Variants in CFAP161 observed in about 807,000 individuals in gnomAD.
The protein encoded by CFAP161 is cilia and flagella associated protein 161.
Under a neutral mutation model 29.0 loss-of-function variants are expected in CFAP161, and 25 were observed. That is an observed-to-expected ratio of 0.86 (90% CI 0.63 to 1.20). The LOEUF (loss-of-function observed/expected upper bound fraction) is 1.20. CFAP161 is among the 50% of genes most tolerant of loss of function. CFAP161 has a pLI of 0.00. For missense variants in CFAP161, 367 were observed against 371.9 expected, an observed-to-expected ratio of 0.99 and a Z score of 0.11; for synonymous variants, 116 against 137.4, an observed-to-expected ratio of 0.84 and a Z score of 1.09.
chr15:81,108,099 C>A (rs1456738122), intron 1 of CFAP161, among the ~76,000 whole-genome samples: 1 of 152,168 alleles, frequency 6.6e-6, no homozygotes, highest in Non-Finnish European at 1.5e-5. Context: ...TGCCTTGATA[C>A]CCTTCTGTGC....
intron 1 of CFAP161, among the ~76,000 whole-genome samples, chr15:81,102,167 T>C (rs190485334): frequency 9.3e-4 from 141 of 152,334 alleles, no homozygotes; most frequent in Admixed American, 2.2e-3. Context: ...ATAGCAATTG[T>C]GCTCAGAATA....
At chr15:81,120,294 A>G (rs1894555685) in intron 1 of CFAP161, among the ~76,000 whole-genome samples, 1 of 152,208 alleles carries the variant, frequency 6.6e-6, no homozygotes, top group African/African-American at 2.4e-5. Context: ...TGACCAGGAG[A>G]ATGCATGGCT....
intron 1 of CFAP161, among the ~76,000 whole-genome samples, chr15:81,100,273 TAAATTA>T (rs1894287987): frequency 6.7e-6 from 1 of 150,340 alleles, no homozygotes; most frequent in Non-Finnish European, 1.5e-5. Context: ...GTTCTAAGTT[TAAATTA>T]TTTCAGTGCT....
intron 1 of CFAP161, among the ~76,000 whole-genome samples, chr15:81,121,651 G>A (rs1894574945): frequency 6.6e-6 from 1 of 152,110 alleles, no homozygotes; most frequent in Admixed American, 6.5e-5. Context: ...TTACATATCA[G>A]TATTTTAGAG....
intron 2 of CFAP161, among the ~76,000 whole-genome samples, chr15:81,136,302 G>T (rs1382803360): frequency 6.6e-6 from 1 of 152,170 alleles, no homozygotes; most frequent in Admixed American, 6.5e-5. Flanking sequence ...AAATCCATGT[G>T]ATTTTAACCA....
intron 1 of CFAP161, among the ~76,000 whole-genome samples, chr15:81,126,911 C>A (rs754858402): frequency 2.0e-5 from 3 of 152,020 alleles, no homozygotes; most frequent in African/African-American, 4.8e-5. Context: ...TCAGCAAATT[C>A]AAAGTAGGTA....
chr15:81,110,825 G>A (rs566291284), intron 1 of CFAP161, among the ~76,000 whole-genome samples: 1 of 152,190 alleles, frequency 6.6e-6, no homozygotes, highest in Non-Finnish European at 1.5e-5. Context: ...TCCTGGGGAC[G>A]AATGCTGGGC....
chr15:81,114,749 C>T (rs879789185), intron 1 of CFAP161, among the ~76,000 whole-genome samples: 46 of 152,038 alleles, frequency 3.0e-4, no homozygotes, highest in Non-Finnish European at 5.6e-4. Context: ...CTGCAAGCTC[C>T]GCCTCCCGGG....
upstream of CFAP161, among the ~76,000 whole-genome samples, chr15:81,130,438 C>T (rs771997636): frequency 5.9e-5 from 9 of 152,198 alleles, no homozygotes; most frequent in Admixed American, 1.3e-4. Flanking sequence ...ACTTGGCTCA[C>T]GCCTGTAATC....
chr15:81,119,908 A>G (rs1269788474), intron 1 of CFAP161, among the ~76,000 whole-genome samples: 3 of 97,694 alleles, frequency 3.1e-5, no homozygotes, highest in Admixed American at 1.9e-4. Flanking sequence ...AATTAAAAAA[A>G]TAAAAATTTA....
chr15:81,128,992 T>G (rs537776845), intron 2 of CFAP161, among the ~76,000 whole-genome samples: 30 of 152,158 alleles, frequency 2.0e-4, no homozygotes, highest in African/African-American at 7.2e-4. Flanking sequence ...ATAATAAGAC[T>G]TGAAAGTTGA....
chr15:81,108,970 G>GT (rs1894407302), intron 1 of CFAP161, among the ~76,000 whole-genome samples: 1 of 152,088 alleles, frequency 6.6e-6, no homozygotes. Flanking sequence ...AATCAGGACT[G>GT]TAAGGTGGAT....
intron 1 of CFAP161, among the ~76,000 whole-genome samples, chr15:81,121,082 A>C (rs186884909): frequency 7.9e-5 from 12 of 152,338 alleles, no homozygotes; most frequent in Non-Finnish European, 1.8e-4. Context: ...AAAACTTTTA[A>C]ATAATTTCCT....
At chr15:81,131,136 TA>T (rs34706078), upstream of CFAP161, among the ~76,000 whole-genome samples, 71,988 of 130,798 alleles carry the variant, frequency 0.55, 20,097 homozygotes, top group Non-Finnish European at 0.67. Flanking sequence ...CTTCAATTTG[TA>T]AAAAAAAAAA....
chr15:81,107,657 G>A (rs867041131), intron 1 of CFAP161, among the ~76,000 whole-genome samples: 32 of 152,254 alleles, frequency 2.1e-4, no homozygotes, highest in Middle Eastern at 6.8e-3. Flanking sequence ...CCCAGGAGGC[G>A]GAGGTTGTGG....
upstream of CFAP161, among the ~76,000 whole-genome samples, chr15:81,131,647 A>G (rs1894712421): frequency 6.6e-6 from 1 of 152,180 alleles, no homozygotes. Context: ...AAGAACAGAG[A>G]GAAAAAAATG....
intron 5 of CFAP161, among the ~76,000 whole-genome samples, chr15:81,144,845 C>T (rs770549163): frequency 7.9e-5 from 12 of 151,584 alleles, no homozygotes; most frequent in Admixed American, 7.9e-4. Context: ...AAGGAGACAG[C>T]AGGGTAGCCA....
At chr15:81,144,969 A>G (rs1171322818) in intron 5 of CFAP161, among the ~76,000 whole-genome samples, 2 of 152,028 alleles carry the variant, frequency 1.3e-5, no homozygotes, top group Non-Finnish European at 2.9e-5. Flanking sequence ...TCCTGACGGG[A>G]AGGTGGGAGG....
upstream of CFAP161, among the ~76,000 whole-genome samples, chr15:81,132,153 T>C (rs761310771): frequency 3.9e-5 from 6 of 152,160 alleles, no homozygotes; most frequent in Non-Finnish European, 7.3e-5. Context: ...GGCACATGCC[T>C]TTAGCCCCAG....
Sources: allele counts gnomAD v4.1 joint callset (sites outside exome capture counted in the v4.1 genomes callset), GRCh38; gene constraint gnomAD v4.1.1; transcripts MANE v1.5; gene names NCBI Gene and HGNC (gene_info 2026-07-23, HGNC 2026-07-21).